MUC7: variants seen among roughly 807,000 people sequenced by gnomAD.
MUC7 encodes mucin 7, secreted, also known as mucin-7.
Under a neutral mutation model 2.5 loss-of-function variants are expected in MUC7, and 2 were observed. The observed-to-expected ratio is 0.81, with a 90% confidence interval of 0.33 to 2.55. The LOEUF (loss-of-function observed/expected upper bound fraction) is 2.55. Among genes scored for constraint, MUC7 ranks in the 30% most tolerant of loss-of-function variants. MUC7 has a pLI of 0.11. For missense variants in MUC7, 408 were observed against 455.6 expected, an observed-to-expected ratio of 0.90 and a Z score of 0.95; for synonymous variants, 133 against 173.4, an observed-to-expected ratio of 0.77 and a Z score of 1.83.
chr4:70,473,653 G>T (rs1422377774), intron 1 of MUC7, among the ~76,000 whole-genome samples: 3 of 152,150 alleles, frequency 2.0e-5, no homozygotes, highest in African/African-American at 4.8e-5. Flanking sequence ...CCACAGAGGG[G>T]AGCTTCCTGA....
intron 1 of MUC7, among the ~76,000 whole-genome samples, chr4:70,465,716 C>A (rs537687306): frequency 5.7e-4 from 87 of 152,126 alleles, no homozygotes; most frequent in African/African-American, 2.0e-3. Flanking sequence ...TAAAAAGGAA[C>A]AAACAAAGCC....
At chr4:70,478,285 T>A (rs1040144370) in intron 2 of MUC7, among the ~76,000 whole-genome samples, 2 of 152,228 alleles carry the variant, frequency 1.3e-5, no homozygotes, top group Non-Finnish European at 2.9e-5. Context: ...GTTATTGTTA[T>A]CATTTCCATG....
chr4:70,441,867 C>T (rs1482888091), intron 1 of MUC7, among the ~76,000 whole-genome samples: 1 of 152,062 alleles, frequency 6.6e-6, no homozygotes, highest in South Asian at 2.1e-4. Context: ...TAATGGAGCA[C>T]CTATTAATAC....
chr4:70,439,910 TAG>T (rs1364740733), intron 1 of MUC7, among the ~76,000 whole-genome samples: 3 of 152,130 alleles, frequency 2.0e-5, no homozygotes, highest in Non-Finnish European at 4.4e-5. Context: ...TGATGTTTAA[TAG>T]AGTTTATCTT....
chr4:70,447,822 G>A (rs185508758), intron 1 of MUC7, among the ~76,000 whole-genome samples: 15 of 152,194 alleles, frequency 9.9e-5, no homozygotes, highest in African/African-American at 3.1e-4. Context: ...ATTTTTAAAT[G>A]TACAATTAAA....
chr4:70,445,047 A>G (rs1019594849), intron 1 of MUC7, among the ~76,000 whole-genome samples: 1 of 152,094 alleles, frequency 6.6e-6, no homozygotes, highest in Admixed American at 6.5e-5. Flanking sequence ...CAAACAAACA[A>G]AACAAAACAA....
At chr4:70,432,509 A>G (rs1249970219) in intron 1 of MUC7, among the ~76,000 whole-genome samples, 1 of 152,062 alleles carries the variant, frequency 6.6e-6, no homozygotes, top group Non-Finnish European at 1.5e-5. Context: ...GATGATGAGC[A>G]TTTTTTCATG....
At chr4:70,451,824 G>A (rs1734288256) in intron 1 of MUC7, among the ~76,000 whole-genome samples, 1 of 152,028 alleles carries the variant, frequency 6.6e-6, no homozygotes, top group African/African-American at 2.4e-5. Context: ...TGTTGATTTT[G>A]TATCTGGAAG....
chr4:70,431,713 G>T (rs1733670821), intron 1 of MUC7, among the ~76,000 whole-genome samples: 1 of 151,674 alleles, frequency 6.6e-6, no homozygotes, highest in Admixed American at 6.6e-5. Flanking sequence ...CAGCTTTGAG[G>T]GTAAGTCTGG....
At chr4:70,453,761 G>A (rs1311380708) in intron 1 of MUC7, among the ~76,000 whole-genome samples, 1 of 152,146 alleles carries the variant, frequency 6.6e-6, no homozygotes, top group Admixed American at 6.5e-5. Context: ...GCATCTCAGA[G>A]TCTCACCCAC....
At chr4:70,431,040 G>A (rs921097162) in intron 1 of MUC7, among the ~76,000 whole-genome samples, 1 of 151,992 alleles carries the variant, frequency 6.6e-6, no homozygotes, top group Non-Finnish European at 1.5e-5. Flanking sequence ...ACTGTATGGG[G>A]AGCTGTATGC....
At chr4:70,458,449 T>C (rs1292375475) in intron 1 of MUC7, among the ~76,000 whole-genome samples, 1 of 152,132 alleles carries the variant, frequency 6.6e-6, no homozygotes, top group African/African-American at 2.4e-5. Flanking sequence ...GTATATACTT[T>C]TGTATGTATC....
rs184476070 is a variant in MUC7, at chr4:70,442,347, G to C, written c.-93+11660G>C. On this transcript the variant is annotated intron_variant, in intron 1 of 3. Transcript: ENST00000413702. ...GGATTCTCAGACTCATGAATTCTTT[G>C]TCAGAAGGTGGCAGAGTAATAATGA... 2.2e-3 allele frequency among the ~76,000 whole-genome samples: 328 copies of C among 152,288 alleles called. 1 individual carries two copies. Among genetic ancestry groups the C allele is most frequent in the African/African-American group, 7.1e-3 (294 of 41,576 alleles).
chr4:70,470,547 G>A (rs1033742516), upstream of MUC7, among the ~76,000 whole-genome samples: 7 of 151,966 alleles, frequency 4.6e-5, no homozygotes, highest in East Asian at 1.3e-3. Context: ...GTTATCTCCA[G>A]GCATTATTTA....
chr4:70,450,735 A>C (rs912293147), intron 1 of MUC7, among the ~76,000 whole-genome samples: 1 of 152,068 alleles, frequency 6.6e-6, no homozygotes, highest in African/African-American at 2.4e-5. Flanking sequence ...GTGTCAAGAA[A>C]GGTTTTCTGG....
At chr4:70,477,803 A>C (rs1386403582) in intron 2 of MUC7, among the ~76,000 whole-genome samples, 1 of 152,210 alleles carries the variant, frequency 6.6e-6, no homozygotes, top group South Asian at 2.1e-4. Flanking sequence ...AACCACTCAG[A>C]ATAGGGCCTA....
intron 1 of MUC7, among the ~76,000 whole-genome samples, chr4:70,433,215 C>T (rs1283573831): frequency 6.6e-6 from 1 of 152,036 alleles, no homozygotes; most frequent in Non-Finnish European, 1.5e-5. Flanking sequence ...TATGGGGTCT[C>T]TTTTTTGGTT....
intron 2 of MUC7, among the ~76,000 whole-genome samples, chr4:70,477,547 T>C (rs1409134081): frequency 2.0e-5 from 3 of 152,316 alleles, no homozygotes; most frequent in Admixed American, 1.3e-4. Context: ...TGCTTTCTCA[T>C]ACCCTCCTTT....
At chr4:70,467,225 C>A (rs1254897429), upstream of MUC7, among the ~76,000 whole-genome samples, 1 of 152,140 alleles carries the variant, frequency 6.6e-6, no homozygotes, top group Non-Finnish European at 1.5e-5. Flanking sequence ...AACAAAGACA[C>A]AACATACCAG....
Sources: gnomAD v4.1 joint callset for allele counts (sites outside exome capture counted in the v4.1 genomes callset) on GRCh38, gnomAD v4.1.1 for gene constraint, MANE v1.5 for transcripts, NCBI Gene and HGNC (gene_info 2026-07-23, HGNC 2026-07-21) for gene names.